Variants in ME1 observed in about 807,000 individuals in gnomAD.
The protein encoded by ME1 is malic enzyme 1, also known as NADP-dependent malic enzyme.
A neutral mutation model predicts 66.4 loss-of-function variants in ME1; 74 were observed. The observed-to-expected ratio is 1.11, with a 90% CI of 0.92 to 1.35. The LOEUF is 1.35. Ranked by LOEUF, ME1 falls within the 40% of genes most tolerant of loss-of-function variation. The pLI, the probability that ME1 is intolerant of heterozygous loss-of-function variation, is 0.00. For missense variants in ME1, 750 were observed against 694.1 expected (o/e 1.08, Z -0.90); for synonymous variants, 251 against 235.6 (o/e 1.07, Z -0.60).
intron 5 of ME1, among the ~76,000 whole-genome samples, chr6:83,332,304 T>C (rs1003952437): frequency 1.3e-5 from 2 of 152,202 alleles, no homozygotes; most frequent in Non-Finnish European, 2.9e-5. Flanking sequence ...TACACTGTTA[T>C]TGAGAATGTA....
At chr6:83,316,725 T>G (rs983656875) in intron 5 of ME1, among the ~76,000 whole-genome samples, 4 of 151,920 alleles carry the variant, frequency 2.6e-5, no homozygotes, top group Non-Finnish European at 4.4e-5. Context: ...TTTAACACAA[T>G]CACAGTTTAT....
At chr6:83,430,834 T>C (rs751197656) in intron 1 of ME1, 43 bp downstream of exon 1, 3 of 1,503,294 alleles carry the variant, frequency 2.0e-6, no homozygotes, top group East Asian at 2.4e-5. Context: ...CTGACCCTGA[T>C]AGAGAGGGGC....
chr6:83,271,169 C>T (rs1380179308), intron 6 of ME1, among the ~76,000 whole-genome samples: 1 of 152,162 alleles, frequency 6.6e-6, no homozygotes, highest in Non-Finnish European at 1.5e-5. Flanking sequence ...CTTGCTGATA[C>T]AGCACTAACT....
chr6:83,299,699 CCA>C (rs1364034364), intron 6 of ME1, among the ~76,000 whole-genome samples: 2 of 152,116 alleles, frequency 1.3e-5, no homozygotes, highest in African/African-American at 4.8e-5. Context: ...GGTAATGCTT[CCA>C]GTTTTTGCCC....
At chr6:83,353,909 AC>A (rs1768842029) in intron 3 of ME1, among the ~76,000 whole-genome samples, 1 of 152,104 alleles carries the variant, frequency 6.6e-6, no homozygotes, top group Admixed American at 6.6e-5. Context: ...TGACCTCTTG[AC>A]TGTTTGACAT....
At chr6:83,271,421 G>T (rs1767080052) in intron 6 of ME1, among the ~76,000 whole-genome samples, 1 of 152,084 alleles carries the variant, frequency 6.6e-6, no homozygotes, top group Admixed American at 6.6e-5. Context: ...GCTGCAATTG[G>T]TTTTTTGAAA....
intron 1 of ME1, among the ~76,000 whole-genome samples, chr6:83,414,662 A>T (rs1317597261): frequency 6.6e-6 from 1 of 152,204 alleles, no homozygotes; most frequent in Non-Finnish European, 1.5e-5. Context: ...ATGGGTTTTT[A>T]AAACATTGGA....
rs1317096494 is a variant in ME1 at position 83,430,989 on chromosome 6, G to A, written c.-35C>T. 7.2e-7 allele frequency: 1 copy of A among 1,386,862 alleles called. No individual in the cohort carries two copies. The allele number at this position is 1,386,862 out of a possible 1,614,324, so 85.9% of individuals were successfully genotyped here. ...CGGGTTCGGCGGCGGGGTCAGGCCG[G>A]GGCGGGCCGCACGCGCGGTGCAGGC... On this transcript the variant is annotated 5_prime_UTR_variant, in exon 1 of 14. Transcript: ENST00000369705.
intron 5 of ME1, among the ~76,000 whole-genome samples, chr6:83,327,516 A>C (rs1394727256): frequency 6.6e-6 from 1 of 152,186 alleles, no homozygotes; most frequent in Non-Finnish European, 1.5e-5. Context: ...AATAGACTCC[A>C]GTCTCCCATA....
chr6:83,414,545 G>C (rs1483077570), intron 1 of ME1, among the ~76,000 whole-genome samples: 1 of 151,974 alleles, frequency 6.6e-6, no homozygotes, highest in African/African-American at 2.4e-5. Context: ...TTTCATTGAG[G>C]TATGAATATA....
intron 6 of ME1, among the ~76,000 whole-genome samples, chr6:83,278,438 T>C (rs1173487287): frequency 6.6e-6 from 1 of 151,978 alleles, no homozygotes; most frequent in African/African-American, 2.4e-5. Context: ...TTTAAAAAAT[T>C]TGATTGTTTA....
At chr6:83,249,168 G>T in intron 7 of ME1, among the ~76,000 whole-genome samples, 1 of 151,968 alleles carries the variant, frequency 6.6e-6, no homozygotes, top group Non-Finnish European at 1.5e-5. Context: ...TTTTAAAGCC[G>T]TTAAATGTAT....
rs74613418 is a variant in ME1 at position 83,388,608 on chromosome 6, T to C, written c.362+9759A>G. 5.2e-3 allele frequency among the ~76,000 whole-genome samples: 799 copies of C among 152,318 alleles called. 11 individuals carry two copies. Among genetic ancestry groups the C allele is most frequent in the African/African-American group, 0.018 (746 of 41,570 alleles). On this transcript the variant is annotated intron_variant, in intron 3 of 13. Coordinates refer to ENST00000369705, the MANE Select transcript of ME1 (RefSeq NM_002395.6). ...AGACTCACAAAATAGGTTATTATTCTAAGAAACTTGGCTGTAAAGAATCTT... is the reference window on the plus strand; with the variant it reads ...AGACTCACAAAATAGGTTATTATTCCAAGAAACTTGGCTGTAAAGAATCTT...
chr6:83,419,546 A>G (rs1770227044), intron 1 of ME1, among the ~76,000 whole-genome samples: 1 of 152,262 alleles, frequency 6.6e-6, no homozygotes, highest in Admixed American at 6.5e-5. Context: ...GTATATAATG[A>G]AAACACTGGT....
chr6:83,383,037 T>G (rs1170616036), intron 3 of ME1, among the ~76,000 whole-genome samples: 2 of 151,970 alleles, frequency 1.3e-5, no homozygotes, highest in African/African-American at 4.8e-5. Context: ...GAGGAAATTC[T>G]GCCAGCAGAC....
chr6:83,386,631 T>C (rs1769507881), intron 3 of ME1, among the ~76,000 whole-genome samples: 1 of 151,918 alleles, frequency 6.6e-6, no homozygotes, highest in African/African-American at 2.4e-5. Flanking sequence ...ACAGTTTACA[T>C]TATAATTGTC....
rs182406191 is a variant in ME1, at chr6:83,330,522, A to G, written c.601-15109T>C. ...GTGCAAAATTCTGCATTCTTAACAC[A>G]TGCCCCTGATAATTCTGAAGTGGTG... On this transcript the variant is annotated intron_variant, in intron 5 of 13. Coordinates refer to ENST00000369705, the MANE Select transcript of ME1 (RefSeq NM_002395.6). Among the ~76,000 whole-genome samples the G allele has an allele frequency of 2.3e-3, 356 of 152,314 alleles. 2 individuals carry two copies. Among genetic ancestry groups the G allele is most frequent in the Middle Eastern group, 6.8e-3 (2 of 294 alleles).
In ME1 at chr6:83,341,131, A is replaced by T. The variant is rs543948279; in HGVS notation, c.600+5042T>A. 2.0e-5 allele frequency among the ~76,000 whole-genome samples: 3 copies of T among 152,114 alleles called. No individual in the cohort carries two copies. In the East Asian group the frequency reaches 5.8e-4, roughly 29 times the overall value. On this transcript the variant is annotated intron_variant, in intron 5 of 13. Coordinates refer to ENST00000369705, the MANE Select transcript of ME1 (RefSeq NM_002395.6). ...GAGACTGAGTTCAACCACCTGGGCAATCAATCAATCAATCAATCATGACTA... is the reference window on the plus strand; with the variant it reads ...GAGACTGAGTTCAACCACCTGGGCATTCAATCAATCAATCAATCATGACTA...
At chr6:83,306,042 T>C (rs1161186084) in intron 6 of ME1, among the ~76,000 whole-genome samples, 2 of 152,166 alleles carry the variant, frequency 1.3e-5, no homozygotes, top group African/African-American at 4.8e-5. Flanking sequence ...AAAAATATTA[T>C]AAACAAAAGA....
Sources: allele counts gnomAD v4.1 joint callset (sites outside exome capture counted in the v4.1 genomes callset), GRCh38; gene constraint gnomAD v4.1.1; transcripts MANE v1.5; gene names NCBI Gene and HGNC (gene_info 2026-07-23, HGNC 2026-07-21).